Variants in CORO7 observed in about 807,000 individuals in gnomAD.
CORO7 encodes the protein coronin 7.
A neutral mutation model predicts 126.6 loss-of-function variants in CORO7; 107 were observed. The observed-to-expected ratio is 0.85, with a 90% CI of 0.72 to 0.99. CORO7 has a LOEUF of 0.99. CORO7 is among the 50% of genes least tolerant of loss of function. CORO7 has a pLI of 0.00. For missense variants in CORO7, 1,314 were observed against 1,255.8 expected (o/e 1.05, Z -0.70); for synonymous variants, 603 against 536.8 (o/e 1.12, Z -1.70).
chr16:4,396,175 G>C (rs2055584371), intron 6 of CORO7, among the ~76,000 whole-genome samples: 1 of 152,106 alleles, frequency 6.6e-6, no homozygotes, highest in African/African-American at 2.4e-5. Context: ...TGCCTCCCTG[G>C]TTCAAGCGAT....
At chr16:4,366,262 G>T (rs1267989683) in intron 9 of CORO7, among the ~76,000 whole-genome samples, 1 of 152,222 alleles carries the variant, frequency 6.6e-6, no homozygotes, top group Non-Finnish European at 1.5e-5. Context: ...GCAGGAGCAG[G>T]GCGGGGTGGC....
Position 4,356,273 on chromosome 16 carries a change from A to T in CORO7, c.2685+895T>A, listed in dbSNP as rs565782024. On this transcript the variant is annotated intron_variant, in intron 26 of 27. Transcript: ENST00000251166. The stretch of plus-strand genomic sequence containing the variant: ...TGGCCACACCTGGTTAATTTAAAAA[A>T]TTTTTTTGTAGAGATGGGGTTTCAC... Among the ~76,000 whole-genome samples, 387 of 151,732 alleles carry T rather than the reference A, an allele frequency of 2.6e-3. 3 individuals are homozygous for T. Among genetic ancestry groups the T allele is most frequent in the Non-Finnish European group, 4.6e-3 (315 of 67,896 alleles).
chr16:4,363,060 T>C (rs1189276731), intron 14 of CORO7: 2 of 263,018 alleles, frequency 7.6e-6, no homozygotes, highest in African/African-American at 4.4e-5. Flanking sequence ...GCTTTTTAAG[T>C]GTTTGCCCAA....
intron 7 of CORO7, among the ~76,000 whole-genome samples, chr16:4,393,923 A>AC (rs1461562627): frequency 1.3e-5 from 2 of 151,888 alleles, no homozygotes; most frequent in African/African-American, 2.4e-5. Flanking sequence ...ACATGGTGAA[A>AC]CCCCGTCTCC....
intron 9 of CORO7, among the ~76,000 whole-genome samples, chr16:4,367,722 T>C (rs1005558279): frequency 6.6e-6 from 1 of 152,018 alleles, no homozygotes; most frequent in South Asian, 2.1e-4. Flanking sequence ...GGCAGGTGGG[T>C]TCATGGCCTG....
chr16:4,400,633 C>G (rs2055763571), intron 6 of CORO7, among the ~76,000 whole-genome samples: 1 of 147,218 alleles, frequency 6.8e-6, no homozygotes, highest in Non-Finnish European at 1.5e-5. Context: ...GACTCTGTCT[C>G]AAAAACAAAA....
At chr16:4,390,736 C>A (rs2055358055) in intron 7 of CORO7, among the ~76,000 whole-genome samples, 1 of 152,190 alleles carries the variant, frequency 6.6e-6, no homozygotes, top group African/African-American at 2.4e-5. Flanking sequence ...CCTAAAGGCA[C>A]AGAGAGACGA....
At chr16:4,394,423 T>C (rs1431457743) in intron 7 of CORO7, among the ~76,000 whole-genome samples, 1 of 138,614 alleles carries the variant, frequency 7.2e-6, no homozygotes, top group Non-Finnish European at 1.5e-5. Context: ...CACTCCAGCC[T>C]GGGCGACAGA....
intron 9 of CORO7, among the ~76,000 whole-genome samples, chr16:4,380,057 C>CA (rs779747877): frequency 0.037 from 3,322 of 90,000 alleles, 62 homozygotes; most frequent in Non-Finnish European, 0.048. Flanking sequence ...GACTCCGTCT[C>CA]AAAAAAAAAA....
intron 9 of CORO7, among the ~76,000 whole-genome samples, chr16:4,385,392 C>T (rs1009080184): frequency 1.3e-5 from 2 of 152,132 alleles, no homozygotes; most frequent in Non-Finnish European, 2.9e-5. Flanking sequence ...AGAAGCAATA[C>T]ACCCTACTTC....
chr16:4,383,810 A>G (rs1290395420), intron 9 of CORO7, among the ~76,000 whole-genome samples: 1 of 152,092 alleles, frequency 6.6e-6, no homozygotes, highest in Non-Finnish European at 1.5e-5. Context: ...CGGCTGGGAG[A>G]GGCTTGTGGC....
chr16:4,382,986 A>C, intron 9 of CORO7: 1 of 1,365,132 alleles, frequency 7.3e-7, no homozygotes, highest in East Asian at 2.6e-5. Context: ...GTAAGTTCTC[A>C]GTCCCAACCT....
intron 25 of CORO7, chr16:4,357,510 C>G: frequency 2.3e-6 from 1 of 431,822 alleles, no homozygotes; most frequent in Non-Finnish European, 4.1e-6. Context: ...CAGGCGCCCA[C>G]CACGCCAGGC....
intron 9 of CORO7, among the ~76,000 whole-genome samples, chr16:4,375,478 C>G (rs2054684938): frequency 6.6e-6 from 1 of 152,020 alleles, no homozygotes; most frequent in South Asian, 2.1e-4. Context: ...CTGCCTGGGT[C>G]TCACTCCTAG....
At chr16:4,408,112 G>A (rs931038126) in intron 4 of CORO7, 69 bp downstream of exon 4, 40 of 1,607,768 alleles carry the variant, frequency 2.5e-5, no homozygotes, top group African/African-American at 1.3e-4. Context: ...TGGGGATGGC[G>A]CTGGGGCTCA....
intron 9 of CORO7, chr16:4,382,137 C>A: frequency 6.3e-7 from 1 of 1,590,194 alleles, no homozygotes; most frequent in Non-Finnish European, 8.6e-7. Flanking sequence ...GGGGCACATG[C>A]CACCTGGGGA....
intron 7 of CORO7, among the ~76,000 whole-genome samples, chr16:4,393,546 A>T (rs2055472571): frequency 6.6e-6 from 1 of 152,162 alleles, no homozygotes; most frequent in Non-Finnish European, 1.5e-5. Context: ...AAAAGCTGCA[A>T]TCTTCCATGT....
chr16:4,358,122 G>A lies in CORO7; in HGVS notation c.2458-19C>T, dbSNP rs777607959. 1 of 1,607,410 alleles carries A rather than the reference G, an allele frequency of 6.2e-7. No individual in the cohort carries two copies. The highest frequency in any genetic ancestry group is 1.7e-5 in the Admixed American group (1 of 59,842). On this transcript the variant is annotated intron_variant, in intron 24 of 27. Transcript: ENST00000251166. ...ACTCTTTCTGCAGAGGGAGAAACGG[G>A]CTGTCCTGAGACATTGACCAGGTGC... is the stretch of plus-strand genomic sequence containing the variant.
rs893843971 is a variant in CORO7 at position 4,410,861 on chromosome 16, G to A, written c.232+1495C>T. On this transcript the variant is annotated intron_variant, in intron 3 of 27. Coordinates refer to ENST00000251166, the MANE Select transcript of CORO7 (RefSeq NM_024535.5). ...ACAGACTATACATCAATGAATGGGC[G>A]TGGCAGCGTTCCAATAAAACTATTT... Among the ~76,000 whole-genome samples the A allele has an allele frequency of 6.6e-5, 10 of 152,332 alleles. No individual in the cohort carries two copies. The East Asian group carries it at 7.7e-4, about 12-fold the overall frequency.
Sources: allele counts gnomAD v4.1 joint callset (sites outside exome capture counted in the v4.1 genomes callset), GRCh38; gene constraint gnomAD v4.1.1; transcripts MANE v1.5; gene names NCBI Gene and HGNC (gene_info 2026-07-23, HGNC 2026-07-21).